KPNB1: variants seen among roughly 807,000 people sequenced by gnomAD.
The protein encoded by KPNB1 is karyopherin subunit beta 1, also known as importin subunit beta-1.
Under a neutral mutation model 113.0 loss-of-function variants are expected in KPNB1, and 7 were observed. The observed-to-expected ratio is 0.06, with a 90% confidence interval of 0.04 to 0.12. The LOEUF (loss-of-function observed/expected upper bound fraction) is 0.12, where lower values mean the gene tolerates loss of function less well. KPNB1 is among the 10% of genes least tolerant of loss of function. The pLI, the probability that KPNB1 is intolerant of heterozygous loss-of-function variation, is 1.00. For missense variants in KPNB1, 400 were observed against 1,054.8 expected (o/e 0.38, Z 8.60); for synonymous variants, 363 against 378.6 (o/e 0.96, Z 0.48).
chr17:47,652,369 T>TACC (rs1915605970), intron 2 of KPNB1, among the ~76,000 whole-genome samples: 1 of 152,218 alleles, frequency 6.6e-6, no homozygotes, highest in African/African-American at 2.4e-5. Context: ...TGACTACTAC[T>TACC]ACCATACTCT....
chr17:47,663,170 C>G lies in KPNB1; in HGVS notation c.778C>G (p.Leu260Val). The part of the protein sequence containing the change: ...QYMETYMGPA[L>V]FAITIEAMKS... ...CATGGAGACATATATGGGTCCTGCT[C>G]TTTTTGCAGTAAGTATTTCTATTTA... The change falls in exon 7 of 22, where the codon CTT becomes GTT. Residue 260 changes from leucine to valine, a missense_variant. Around this residue, in one of 2 missense-constraint regions of KPNB1, gnomAD observed 285 missense variants for 627.0 expected, o/e 0.45. Transcript: ENST00000290158. 6.8e-7 allele frequency: 1 copy of G among 1,479,532 alleles called. No homozygotes were observed. The highest frequency in any genetic ancestry group is 9.5e-7 in the Non-Finnish European group (1 of 1,057,636). The allele number at this position is 1,479,532 out of a possible 1,614,324, so 91.7% of individuals were successfully genotyped here. A position where few individuals can be genotyped will look rare whatever the true frequency, so the allele number is the denominator to read the frequency against.
chr17:47,671,405 TAG>T (rs1448353339), intron 12 of KPNB1, among the ~76,000 whole-genome samples: 1 of 152,214 alleles, frequency 6.6e-6, no homozygotes, highest in Non-Finnish European at 1.5e-5. Flanking sequence ...GTAATAGATC[TAG>T]AGAGGTTCCT....
intron 21 of KPNB1, among the ~76,000 whole-genome samples, chr17:47,681,727 A>C (rs149680589): frequency 2.4e-3 from 266 of 110,498 alleles, no homozygotes; most frequent in African/African-American, 9.1e-3. Flanking sequence ...TTTAGTAGAG[A>C]TGGGTTTTCA....
chr17:47,684,518 G>GAT lies in KPNB1; in HGVS notation c.*2116_*2117dup, dbSNP rs1717151721. The GAT allele has an allele frequency of 6.6e-6, 1 of 152,248 alleles. No homozygotes were observed. Among genetic ancestry groups the GAT allele is most frequent in the African/African-American group, 2.4e-5 (1 of 41,382 alleles). 9.4% of individuals were successfully genotyped at this position (152,248 alleles called of 1,614,324 possible). A position where few individuals can be genotyped will look rare whatever the true frequency, so the allele number is the denominator to read the frequency against. ...TGTACTAACCATTCGTGATTATTAA[G>GAT]ATAGGGTTGGGTCAGGGCTTAGGGA... On this transcript the variant is annotated 3_prime_UTR_variant, in exon 22 of 22. Coordinates refer to ENST00000290158, the MANE Select transcript of KPNB1 (RefSeq NM_002265.6).
At chr17:47,661,443 T>C (rs2030091828) in intron 6 of KPNB1, among the ~76,000 whole-genome samples, 1 of 150,726 alleles carries the variant, frequency 6.6e-6, no homozygotes, top group African/African-American at 2.4e-5. Flanking sequence ...CTACTAAAAA[T>C]AAAAAAAAAT....
rs1489640225 is a variant in KPNB1, at chr17:47,668,118, C to G, written c.1000-68C>G. The G allele has an allele frequency of 3.2e-6, 4 of 1,257,040 alleles. No homozygotes were observed. The East Asian group carries it at 7.0e-5, about 22-fold the overall frequency. 77.9% of individuals were successfully genotyped at this position (1,257,040 alleles called of 1,614,324 possible). ...AGTTCTAAAGACATTCAAGAGTAGTCAGAGGACCTTTAGAGTTAAAATGAT... is the reference window on the plus strand; with the variant it reads ...AGTTCTAAAGACATTCAAGAGTAGTGAGAGGACCTTTAGAGTTAAAATGAT... On this transcript the variant is annotated intron_variant, in intron 9 of 21. Coordinates refer to ENST00000290158, the MANE Select transcript of KPNB1 (RefSeq NM_002265.6).
chr17:47,662,646 C>A (rs995964270), intron 6 of KPNB1, among the ~76,000 whole-genome samples: 1 of 151,746 alleles, frequency 6.6e-6, no homozygotes, highest in Admixed American at 6.6e-5. Context: ...CTTTAGGTGG[C>A]CGAGGTGAGT....
chr17:47,680,615 A>C lies in KPNB1; in HGVS notation c.2576A>C (p.Lys859Thr). The change falls in exon 21 of 22, where the codon AAA becomes ACA. Residue 859 changes from lysine (K) to threonine (T), a missense_variant. By Grantham distance (78) the Lys-to-Thr change is moderately conservative. Transcript: ENST00000290158. ...EGRRSKTNKA[K>T]TLATWATKEL... ...CGGAGATCGAAGACTAACAAAGCAAAAACCCTTGCTACATGGGCAACAAAA... is the reference window on the plus strand; with the variant it reads ...CGGAGATCGAAGACTAACAAAGCAACAACCCTTGCTACATGGGCAACAAAA... The C allele has an allele frequency of 6.2e-7, 1 of 1,614,244 alleles. No homozygotes were observed. The highest frequency in any genetic ancestry group is 8.5e-7 in the Non-Finnish European group (1 of 1,180,040).
At chr17:47,657,743 G>T (rs1757515166) in intron 4 of KPNB1, among the ~76,000 whole-genome samples, 1 of 152,200 alleles carries the variant, frequency 6.6e-6, no homozygotes, top group Non-Finnish European at 1.5e-5. Flanking sequence ...CATACCCAGA[G>T]TCATTATGCT....
At chr17:47,676,045 A>G (rs949207228) in intron 15 of KPNB1, among the ~76,000 whole-genome samples, 2 of 152,204 alleles carry the variant, frequency 1.3e-5, no homozygotes, top group Non-Finnish European at 2.9e-5. Flanking sequence ...GCTTGCAGAA[A>G]GGACATGCTA....
rs2030873590 is a variant in KPNB1, at chr17:47,684,008, T to C, written c.*1604T>C. 1 of 152,150 alleles carries C rather than the reference T, an allele frequency of 6.6e-6. No homozygotes were observed. Among genetic ancestry groups the C allele is most frequent in the African/African-American group, 2.4e-5 (1 of 41,430 alleles). 9.4% of individuals were successfully genotyped at this position (152,150 alleles called of 1,614,324 possible). Reference sequence around the variant, plus strand: ...GATGTTGGTGAGCTTTGATCCTCTTTTGGTTTTGCAGTTGTTAGGAGTTTT... The same window carrying C: ...GATGTTGGTGAGCTTTGATCCTCTTCTGGTTTTGCAGTTGTTAGGAGTTTT... On this transcript the variant is annotated 3_prime_UTR_variant, in exon 22 of 22. Coordinates refer to ENST00000290158, the MANE Select transcript of KPNB1 (RefSeq NM_002265.6).
chr17:47,681,256 TTTC>T (rs1318777216), intron 21 of KPNB1, among the ~76,000 whole-genome samples: 25 of 150,850 alleles, frequency 1.7e-4, no homozygotes, highest in African/African-American at 4.9e-4. Flanking sequence ...TTTCTTTTCT[TTTC>T]TTCTTCTTTT....
At chr17:47,676,903 G>A in intron 16 of KPNB1, 117 bp from the exon 17 acceptor site, 1 of 714,734 alleles carries the variant, frequency 1.4e-6, no homozygotes. Context: ...ATTAATCTCG[G>A]CAGAGGGATT....
intron 19 of KPNB1, among the ~76,000 whole-genome samples, chr17:47,679,529 G>A (rs1157623007): frequency 1.3e-5 from 2 of 151,906 alleles, no homozygotes; most frequent in Non-Finnish European, 2.9e-5. Context: ...CTCTTCTGTC[G>A]ACTTGAGGAA....
chr17:47,676,399 T>G lies in KPNB1; in HGVS notation c.1913-10T>G. 1.9e-6 allele frequency: 3 copies of G among 1,603,710 alleles called. No individual in the cohort carries two copies. Among genetic ancestry groups the G allele is most frequent in the Non-Finnish European group, 2.6e-6 (3 of 1,170,464 alleles). Reference sequence around the variant, plus strand: ...GTGCTGTCATTGGCTAATAGCTTATTTCATTACAGTGTTGGGTGGTGAATT... The same window carrying G: ...GTGCTGTCATTGGCTAATAGCTTATGTCATTACAGTGTTGGGTGGTGAATT... On this transcript the variant is annotated splice_polypyrimidine_tract_variant and intron_variant, in intron 15 of 21. Coordinates refer to ENST00000290158, the MANE Select transcript of KPNB1 (RefSeq NM_002265.6).
chr17:47,660,106 C>A lies in KPNB1; in HGVS notation c.637-1013C>A, dbSNP rs115676786. Among the ~76,000 whole-genome samples, 383 of 152,244 alleles carry A rather than the reference C, an allele frequency of 2.5e-3. 1 individual carries two copies. The highest frequency in any genetic ancestry group is 9.0e-3 in the African/African-American group (372 of 41,542). On this transcript the variant is annotated intron_variant, in intron 5 of 21. Coordinates refer to ENST00000290158, the MANE Select transcript of KPNB1 (RefSeq NM_002265.6). ...AACTGAAACTGTACATACTGAACAA[C>A]AACTCCTCATTTCCCCCTTTCTCAG...
At chr17:47,660,141 A>G (rs1431505229) in intron 5 of KPNB1, among the ~76,000 whole-genome samples, 2 of 152,184 alleles carry the variant, frequency 1.3e-5, no homozygotes, top group Non-Finnish European at 2.9e-5. Context: ...GCCACTGGTA[A>G]CGACCATTTT....
intron 12 of KPNB1, 110 bp downstream of exon 12, chr17:47,670,942 C>A: frequency 1.0e-6 from 1 of 962,654 alleles, no homozygotes; most frequent in Non-Finnish European, 1.5e-6. Flanking sequence ...CAGGACAAGA[C>A]TCTACCTTCT....
chr17:47,658,044 T>A (rs1342581305), intron 4 of KPNB1, among the ~76,000 whole-genome samples: 3 of 152,140 alleles, frequency 2.0e-5, no homozygotes, highest in Non-Finnish European at 4.4e-5. Context: ...GTAGTGCCTG[T>A]GAATAGCCAC....
Sources: gnomAD v4.1 joint callset for allele counts (sites outside exome capture counted in the v4.1 genomes callset) on GRCh38, gnomAD v4.1.1 for gene constraint, gnomAD v4.1.1 regional missense constraint, MANE v1.5 for transcripts, NCBI Gene and HGNC (gene_info 2026-07-23, HGNC 2026-07-21) for gene names.